The following PRR16 variants were observed in gnomAD, a reference collection of about 807,000 sequenced individuals.
PRR16 encodes protein Largen.
In PRR16, 6 loss-of-function variants were observed where a neutral mutation model predicts 18.2. That is an observed-to-expected ratio of 0.33 (90% CI 0.18 to 0.65). The LOEUF (loss-of-function observed/expected upper bound fraction) is 0.65. PRR16 is among the 30% of genes least tolerant of loss of function. The pLI is 0.74. For missense variants in PRR16, 412 were observed against 376.6 expected (o/e 1.09, Z -0.78); for synonymous variants, 151 against 147.8 (o/e 1.02, Z -0.16).
At chr5:120,526,613 C>T (rs1751358128) in intron 1 of PRR16, among the ~76,000 whole-genome samples, 1 of 152,134 alleles carries the variant, frequency 6.6e-6, no homozygotes, top group East Asian at 1.9e-4. Flanking sequence ...CAACTCTGCT[C>T]TCTACCAGAG....
At chr5:120,684,957 C>T (rs1162704050) in intron 1 of PRR16, among the ~76,000 whole-genome samples, 2 of 152,200 alleles carry the variant, frequency 1.3e-5, no homozygotes, top group Non-Finnish European at 2.9e-5. Flanking sequence ...TAGCCCTTGA[C>T]TGGTGTGACT....
At position 120,686,211 on chromosome 5, in the gene PRR16, G is replaced by T; in HGVS notation, c.417G>T (p.Arg139Ser). The change falls in exon 2 of 2, where the codon AGG (arginine) becomes AGT (serine). Residue 139 changes from arginine (R) to serine (S), a missense_variant. Coordinates refer to ENST00000407149, the MANE Select transcript of PRR16 (RefSeq NM_001300783.2). ...LTPVKCEDPK[R>S]VVPTANPVKT... Reference sequence around the variant, plus strand: ...CTGTGAAGTGTGAAGACCCCAAAAGGGTGGTTCCAACTGCCAATCCTGTAA... The same window carrying T: ...CTGTGAAGTGTGAAGACCCCAAAAGTGTGGTTCCAACTGCCAATCCTGTAA... 2 of 1,614,084 alleles carry T rather than the reference G, an allele frequency of 1.2e-6. No homozygotes were observed. The highest frequency in any genetic ancestry group is 4.5e-5 in the East Asian group (2 of 44,864).
At chr5:120,755,149 C>A in the PRR16 span, among the ~76,000 whole-genome samples, 1 of 151,464 alleles carries the variant, frequency 6.6e-6, no homozygotes, top group Admixed American at 6.6e-5. Flanking sequence ...ATGTAACAAA[C>A]CTGCACGTTG....
intron 1 of PRR16, among the ~76,000 whole-genome samples, chr5:120,680,351 A>G (rs1464164480): frequency 6.6e-6 from 1 of 152,116 alleles, no homozygotes; most frequent in East Asian, 1.9e-4. Flanking sequence ...AAAATATTCA[A>G]CATTAGGTTT....
chr5:120,511,869 G>A lies in PRR16; in HGVS notation c.159+47224G>A, dbSNP rs553840793. ...CAGTTGTGTGCTTCACATCAATTTG[G>A]TTTACCTTAGAAAAGTGAGAAAGCT... On this transcript the variant is annotated intron_variant, in intron 1 of 1. Transcript: ENST00000407149. Among the ~76,000 whole-genome samples the A allele has an allele frequency of 2.6e-5, 4 of 152,268 alleles. No homozygotes were observed. In the South Asian group the frequency reaches 6.2e-4, roughly 24 times the overall value.
chr5:120,558,014 G>T (rs1752469230), intron 1 of PRR16, among the ~76,000 whole-genome samples: 1 of 151,656 alleles, frequency 6.6e-6, no homozygotes, highest in African/African-American at 2.4e-5. Flanking sequence ...AATTTTTTGT[G>T]GGTACATAGT....
intron 1 of PRR16, among the ~76,000 whole-genome samples, chr5:120,489,426 T>G (rs1244172615): frequency 6.6e-6 from 1 of 152,206 alleles, no homozygotes; most frequent in Non-Finnish European, 1.5e-5. Context: ...TTGTCTCTTT[T>G]GATCTTTGTT....
At chr5:120,519,523 A>G (rs1337684838) in intron 1 of PRR16, among the ~76,000 whole-genome samples, 1 of 152,164 alleles carries the variant, frequency 6.6e-6, no homozygotes, top group African/African-American at 2.4e-5. Context: ...TTCTACTTCA[A>G]ATATGAAGCT....
chr5:120,645,922 T>G (rs1391162835), intron 1 of PRR16, among the ~76,000 whole-genome samples: 1 of 151,484 alleles, frequency 6.6e-6, no homozygotes, highest in Admixed American at 6.6e-5. Flanking sequence ...AGCCCAGGAG[T>G]CTTCCCTTCT....
chr5:120,732,612 T>C, the PRR16 span, among the ~76,000 whole-genome samples: 1 of 152,174 alleles, frequency 6.6e-6, no homozygotes, highest in Non-Finnish European at 1.5e-5. Flanking sequence ...GGATAGGTTG[T>C]GCCTTTACCC....
chr5:120,570,040 T>C (rs1031766740), intron 1 of PRR16, among the ~76,000 whole-genome samples: 2 of 152,184 alleles, frequency 1.3e-5, no homozygotes, highest in Non-Finnish European at 2.9e-5. Flanking sequence ...GGTTTCTCTG[T>C]TATTGTTTCT....
At chr5:120,520,870 AT>A (rs1475863394) in intron 1 of PRR16, among the ~76,000 whole-genome samples, 3 of 151,688 alleles carry the variant, frequency 2.0e-5, no homozygotes, top group African/African-American at 7.3e-5. Flanking sequence ...TTTTCTTTTA[AT>A]TTATTTTATT....
chr5:120,787,704 A>G, the PRR16 span, among the ~76,000 whole-genome samples: 1 of 152,022 alleles, frequency 6.6e-6, no homozygotes, highest in Admixed American at 6.6e-5. Context: ...CTGCAACTGT[A>G]CTCATAGTTA....
chr5:120,759,257 T>G, the PRR16 span, among the ~76,000 whole-genome samples: 6 of 152,176 alleles, frequency 3.9e-5, no homozygotes, highest in South Asian at 4.2e-4. Flanking sequence ...ATTACAGGCG[T>G]GAGCCACCAC....
the PRR16 span, among the ~76,000 whole-genome samples, chr5:120,763,716 T>C: frequency 2.0e-5 from 3 of 151,790 alleles, no homozygotes; most frequent in Admixed American, 6.6e-5. Context: ...GTTCATGTCT[T>C]CTTCAATTTC....
the PRR16 span, among the ~76,000 whole-genome samples, chr5:120,762,378 A>G: frequency 6.6e-6 from 1 of 152,090 alleles, no homozygotes; most frequent in Non-Finnish European, 1.5e-5. Flanking sequence ...GCCAGCATCT[A>G]TTTTTGACAA....
the PRR16 span, among the ~76,000 whole-genome samples, chr5:120,711,289 A>G: frequency 3.3e-5 from 5 of 152,148 alleles, no homozygotes; most frequent in Admixed American, 1.3e-4. Flanking sequence ...CACAACTACA[A>G]TTATTTAATT....
chr5:120,603,103 C>G (rs1754039894), intron 1 of PRR16, among the ~76,000 whole-genome samples: 1 of 151,944 alleles, frequency 6.6e-6, no homozygotes, highest in African/African-American at 2.4e-5. Context: ...GGAGTTCCTT[C>G]TCTTTGATTT....
At chr5:120,526,218 T>C (rs112472693) in intron 1 of PRR16, among the ~76,000 whole-genome samples, 2 of 152,138 alleles carry the variant, frequency 1.3e-5, no homozygotes, top group African/African-American at 4.8e-5. Flanking sequence ...TTGTCATTAA[T>C]ATGTAAGCTT....
Sources: gnomAD v4.1 joint callset for allele counts (sites outside exome capture counted in the v4.1 genomes callset) on GRCh38, gnomAD v4.1.1 for gene constraint, MANE v1.5 for transcripts, NCBI Gene and HGNC (gene_info 2026-07-23, HGNC 2026-07-21) for gene names.